The following CNTN5 variants were observed in gnomAD, a reference collection of about 807,000 sequenced individuals.
CNTN5 encodes contactin-5.
A neutral mutation model predicts 129.1 loss-of-function variants in CNTN5; 77 were observed. The ratio of observed to expected loss-of-function variants is 0.60; its 90% CI spans 0.50 to 0.72. The LOEUF is 0.72. Ranked by LOEUF, CNTN5 falls within the 30% of genes least tolerant of loss-of-function variation. The probability of loss-of-function intolerance (pLI) is 0.00; values close to 1 mark genes in which losing one functional copy is unlikely to be tolerated. For synonymous variants in CNTN5, 509 were observed against 465.6 expected (o/e 1.09, Z -1.20); for missense variants, 1,478 against 1,328.8 (o/e 1.11, Z -1.75).
At chr11:100,059,323 T>C (rs1943366712) in intron 9 of CNTN5, among the ~76,000 whole-genome samples, 2 of 152,144 alleles carry the variant, frequency 1.3e-5, no homozygotes, top group South Asian at 4.1e-4. Flanking sequence ...CTTAGGTTTA[T>C]AGATAATTTT....
chr11:99,072,140 T>C (rs1350123566), intron 1 of CNTN5, among the ~76,000 whole-genome samples: 1 of 152,094 alleles, frequency 6.6e-6, no homozygotes, highest in Non-Finnish European at 1.5e-5. Flanking sequence ...CAGTTGATTA[T>C]AAAGGGTTTG....
chr11:99,214,609 A>G (rs548892806), intron 1 of CNTN5, among the ~76,000 whole-genome samples: 124 of 152,078 alleles, frequency 8.2e-4, no homozygotes, highest in Middle Eastern at 3.4e-3. Context: ...CCCAATTGAC[A>G]GATCTTTTTG....
intron 1 of CNTN5, among the ~76,000 whole-genome samples, chr11:99,118,485 T>C (rs75692220): frequency 6.6e-6 from 1 of 152,222 alleles, no homozygotes; most frequent in East Asian, 1.9e-4. Context: ...TGGGTCTTTC[T>C]GGAGTTGTGC....
chr11:99,487,865 T>A (rs977276078), intron 2 of CNTN5, among the ~76,000 whole-genome samples: 1 of 152,160 alleles, frequency 6.6e-6, no homozygotes, highest in South Asian at 2.1e-4. Context: ...CCTAAATGAG[T>A]TTGTACGTGC....
chr11:99,301,577 T>C (rs1025925378), intron 1 of CNTN5, among the ~76,000 whole-genome samples: 1 of 151,628 alleles, frequency 6.6e-6, no homozygotes, highest in Admixed American at 6.6e-5. Context: ...GACAACAGGG[T>C]CTCAAAATAC....
chr11:99,636,232 T>C (rs1372320477), intron 3 of CNTN5, among the ~76,000 whole-genome samples: 2 of 152,194 alleles, frequency 1.3e-5, no homozygotes, highest in East Asian at 3.8e-4. Flanking sequence ...TTTTCAGTAC[T>C]ATAGTTATAT....
At chr11:100,174,830 T>A (rs78220533) in intron 13 of CNTN5, among the ~76,000 whole-genome samples, 4,680 of 152,152 alleles carry the variant, frequency 0.031, 238 homozygotes, top group African/African-American at 0.11. Context: ...CCAGGGGTGG[T>A]GGCTCATTAA....
At chr11:100,148,519 C>T (rs1946934314) in intron 13 of CNTN5, among the ~76,000 whole-genome samples, 1 of 152,136 alleles carries the variant, frequency 6.6e-6, no homozygotes, top group South Asian at 2.1e-4. Context: ...TTTGTCACCC[C>T]CCAAACCGGT....
intron 8 of CNTN5, among the ~76,000 whole-genome samples, chr11:99,970,204 C>G (rs1951211381): frequency 6.6e-6 from 1 of 152,128 alleles, no homozygotes; most frequent in Non-Finnish European, 1.5e-5. Flanking sequence ...GCTTTGAACT[C>G]CTTCTTTCTG....
chr11:99,460,381 G>A (rs112957502), intron 2 of CNTN5, among the ~76,000 whole-genome samples: 1,842 of 151,792 alleles, frequency 0.012, 39 homozygotes, highest in African/African-American at 0.042. Flanking sequence ...GAGTTAAGAA[G>A]TACTGTTAAC....
chr11:100,337,301 G>A, intron 21 of CNTN5: 1 of 1,089,596 alleles, frequency 9.2e-7, no homozygotes, highest in Non-Finnish European at 1.4e-6. Context: ...CATGCTCCTG[G>A]AGGATATGAA....
chr11:99,488,657 C>T (rs2135341665), intron 2 of CNTN5, among the ~76,000 whole-genome samples: 1 of 152,206 alleles, frequency 6.6e-6, no homozygotes, highest in African/African-American at 2.4e-5. Flanking sequence ...TATAGTGTAC[C>T]AATTTAATTA....
intron 8 of CNTN5, among the ~76,000 whole-genome samples, chr11:99,985,645 G>C (rs1938625514): frequency 6.6e-6 from 1 of 152,160 alleles, no homozygotes; most frequent in Non-Finnish European, 1.5e-5. Flanking sequence ...AGTTTCACCA[G>C]GGACCTATCC....
At chr11:99,463,387 G>A (rs1265828125) in intron 2 of CNTN5, among the ~76,000 whole-genome samples, 2 of 139,220 alleles carry the variant, frequency 1.4e-5, no homozygotes, top group African/African-American at 2.6e-5. Context: ...ACAGTGAGCC[G>A]AGATCGCGCC....
intron 1 of CNTN5, among the ~76,000 whole-genome samples, chr11:99,112,664 G>T (rs1244092092): frequency 6.6e-6 from 1 of 151,862 alleles, no homozygotes; most frequent in Non-Finnish European, 1.5e-5. Flanking sequence ...ACATTTAAGT[G>T]CCCTTCAGGG....
intron 3 of CNTN5, among the ~76,000 whole-genome samples, chr11:99,572,941 C>T (rs562283020): frequency 4.6e-5 from 7 of 151,572 alleles, no homozygotes; most frequent in South Asian, 4.2e-4. Context: ...AGCCAGCATG[C>T]GGGAGAACAG....
intron 21 of CNTN5, among the ~76,000 whole-genome samples, chr11:100,328,183 G>A (rs1382202040): frequency 9.7e-6 from 1 of 103,208 alleles, no homozygotes; most frequent in Non-Finnish European, 2.0e-5. Flanking sequence ...AGACCATGTC[G>A]CTACCAAAAA....
chr11:100,271,026 C>A, intron 17 of CNTN5, 66 bp from the exon 18 acceptor site: 1 of 1,308,922 alleles, frequency 7.6e-7, no homozygotes, highest in Non-Finnish European at 1.1e-6. Context: ...CATTAATATT[C>A]TTGATTGCCA....
chr11:99,050,333 G>T (rs1864376595), intron 1 of CNTN5, among the ~76,000 whole-genome samples: 1 of 151,768 alleles, frequency 6.6e-6, no homozygotes, highest in African/African-American at 2.4e-5. Context: ...TTAGGGTAAA[G>T]AAAAAAGAAG....
Sources: gnomAD v4.1 joint callset for allele counts (sites outside exome capture counted in the v4.1 genomes callset) on GRCh38, gnomAD v4.1.1 for gene constraint, MANE v1.5 for transcripts, NCBI Gene and HGNC (gene_info 2026-07-23, HGNC 2026-07-21) for gene names.